The following ANKRD44 variants were observed in gnomAD, a reference collection of about 807,000 sequenced individuals.
ANKRD44 encodes the protein ankyrin repeat domain 44, also known as serine/threonine-protein phosphatase 6 regulatory ankyrin repeat subunit B.
A neutral mutation model predicts 116.0 loss-of-function variants in ANKRD44; 35 were observed. That is an observed-to-expected ratio of 0.30 (90% CI 0.23 to 0.40). The LOEUF (loss-of-function observed/expected upper bound fraction) is 0.40, where lower values mean the gene tolerates loss of function less well. ANKRD44 is among the 10% of genes least tolerant of loss of function. The pLI is 1.00. For synonymous variants in ANKRD44, 435 were observed against 461.8 expected, an observed-to-expected ratio of 0.94 and a Z score of 0.74; for missense variants, 1,014 against 1,242.6, an observed-to-expected ratio of 0.82 and a Z score of 2.77.
At chr2:197,273,980 AATATATATATATATATATATAT>A (rs1164251927) in intron 1 of ANKRD44, among the ~76,000 whole-genome samples, 2 of 43,944 alleles carry the variant, frequency 4.6e-5, no homozygotes, top group Non-Finnish European at 7.9e-5. Flanking sequence ...AAAAAAAAAA[AATATATATATATATATATATAT>A]ATATATATAT....
chr2:197,097,821 C>G (rs79409481), intron 10 of ANKRD44, among the ~76,000 whole-genome samples: 1 of 152,232 alleles, frequency 6.6e-6, no homozygotes, highest in Non-Finnish European at 1.5e-5. Flanking sequence ...AATTCTTTAA[C>G]AGCTTCCGAA....
At chr2:197,165,060 T>C (rs1156582300) in intron 2 of ANKRD44, among the ~76,000 whole-genome samples, 4 of 152,314 alleles carry the variant, frequency 2.6e-5, no homozygotes, top group African/African-American at 9.6e-5. Flanking sequence ...TGGAATGAAA[T>C]GATGCTTAGA....
chr2:197,099,794 C>T (rs888343739), intron 10 of ANKRD44, 22 bp downstream of exon 10: 2 of 1,613,170 alleles, frequency 1.2e-6, no homozygotes, highest in Non-Finnish European at 1.7e-6. Context: ...AATTATTCCA[C>T]CGTATTTTTG....
chr2:197,304,505 C>T (rs2084011039), intron 1 of ANKRD44, among the ~76,000 whole-genome samples: 1 of 152,100 alleles, frequency 6.6e-6, no homozygotes, highest in African/African-American at 2.4e-5. Context: ...CCTTCATAGG[C>T]ACATTTGTAA....
At chr2:197,115,406 A>G (rs936427938) in intron 8 of ANKRD44, among the ~76,000 whole-genome samples, 2 of 152,256 alleles carry the variant, frequency 1.3e-5, no homozygotes, top group African/African-American at 4.8e-5. Flanking sequence ...TAAACCATCA[A>G]TTGATTATTG....
At chr2:197,160,687 G>A (rs2079939439) in intron 2 of ANKRD44, among the ~76,000 whole-genome samples, 1 of 152,126 alleles carries the variant, frequency 6.6e-6, no homozygotes, top group African/African-American at 2.4e-5. Flanking sequence ...CTCACTCCCT[G>A]CTCAGAATAT....
At chr2:197,180,976 T>G (rs571236160) in intron 2 of ANKRD44, among the ~76,000 whole-genome samples, 3 of 152,140 alleles carry the variant, frequency 2.0e-5, no homozygotes, top group Non-Finnish European at 4.4e-5. Context: ...TTTTCTCACT[T>G]GGCTCTTGAG....
intron 1 of ANKRD44, among the ~76,000 whole-genome samples, chr2:197,279,890 G>T (rs1193961921): frequency 6.6e-6 from 1 of 152,178 alleles, no homozygotes; most frequent in African/African-American, 2.4e-5. Context: ...TGGGTACAGT[G>T]TCTTGTCCTG....
In ANKRD44 at chr2:197,016,623, G is replaced by C. The variant is rs575105774; in HGVS notation, c.1723-2911C>G. On this transcript the variant is annotated intron_variant, in intron 17 of 27. Coordinates refer to ENST00000282272, the MANE Select transcript of ANKRD44 (RefSeq NM_001195144.2). Reference sequence around the variant, plus strand: ...CTGAATGGGCACTGACAAGTGGAGAGAATGGATATCTGTATGTTTGCAATG... The same window carrying C: ...CTGAATGGGCACTGACAAGTGGAGACAATGGATATCTGTATGTTTGCAATG... Among the ~76,000 whole-genome samples, 4 of 152,316 alleles carry C rather than the reference G, an allele frequency of 2.6e-5. 1 individual carries two copies. In the South Asian group the frequency reaches 8.3e-4, roughly 32 times the overall value.
At chr2:197,208,755 GTA>G (rs1354635961) in intron 1 of ANKRD44, among the ~76,000 whole-genome samples, 1 of 152,044 alleles carries the variant, frequency 6.6e-6, no homozygotes, top group African/African-American at 2.4e-5. Flanking sequence ...AGCCGAGATT[GTA>G]CCACTGCACT....
At chr2:197,192,172 T>C (rs1484913267) in intron 1 of ANKRD44, among the ~76,000 whole-genome samples, 2 of 152,196 alleles carry the variant, frequency 1.3e-5, no homozygotes, top group East Asian at 1.9e-4. Context: ...CACTTTCCCT[T>C]TGCCAGAGTT....
At chr2:197,163,657 G>A (rs2080025009) in intron 2 of ANKRD44, among the ~76,000 whole-genome samples, 1 of 152,086 alleles carries the variant, frequency 6.6e-6, no homozygotes, top group South Asian at 2.1e-4. Context: ...TGGGAGGGAG[G>A]ACTGGGGAGC....
intron 9 of ANKRD44, among the ~76,000 whole-genome samples, chr2:197,103,435 G>A (rs373766931): frequency 6.6e-6 from 1 of 152,090 alleles, no homozygotes. Context: ...CTAAATAAAT[G>A]TTCCCTGAAT....
At chr2:197,141,144 G>A (rs1420960861) in intron 3 of ANKRD44, among the ~76,000 whole-genome samples, 2 of 152,304 alleles carry the variant, frequency 1.3e-5, no homozygotes, top group East Asian at 1.9e-4. Context: ...TTGAACCTGG[G>A]AGGTGGAGGT....
At chr2:197,112,592 T>TA in intron 8 of ANKRD44, among the ~76,000 whole-genome samples, 1 of 151,452 alleles carries the variant, frequency 6.6e-6, no homozygotes, top group Non-Finnish European at 1.5e-5. Flanking sequence ...CCTGTAGTCC[T>TA]AGCTGCTTGG....
chr2:196,995,093 A>C (rs1045134915), intron 26 of ANKRD44: 4 of 220,182 alleles, frequency 1.8e-5, no homozygotes. Flanking sequence ...AATTTTTCTA[A>C]CAGCCCACTA....
chr2:197,118,647 G>GAAAGAAAGAAAA (rs761128651), intron 8 of ANKRD44, among the ~76,000 whole-genome samples: 12,823 of 149,128 alleles, frequency 0.086, 636 homozygotes, highest in South Asian at 0.12. Flanking sequence ...GAGAAAGAAA[G>GAAAGAAAGAAAA]AAAGAAAGAA....
intron 2 of ANKRD44, among the ~76,000 whole-genome samples, chr2:197,184,216 C>T (rs900224213): frequency 4.6e-5 from 7 of 152,182 alleles, no homozygotes; most frequent in African/African-American, 7.2e-5. Flanking sequence ...AAATCCATGC[C>T]GTCTCTTTGG....
chr2:197,126,051 A>G lies in ANKRD44; in HGVS notation c.262-14T>C. The stretch of plus-strand genomic sequence containing the variant: ...CTGTACTGCTTCCTACAACAAAAGC[A>G]GAGTTTGCAGAGGTCACTGACAGAC... On this transcript the variant is annotated splice_polypyrimidine_tract_variant and intron_variant, in intron 4 of 27. Transcript: ENST00000282272. 1 of 1,614,008 alleles carries G rather than the reference A, an allele frequency of 6.2e-7. No homozygotes were observed. The highest frequency in any genetic ancestry group is 8.5e-7 in the Non-Finnish European group (1 of 1,179,888).
Sources: gnomAD v4.1 joint callset for allele counts (sites outside exome capture counted in the v4.1 genomes callset) on GRCh38, gnomAD v4.1.1 for gene constraint, MANE v1.5 for transcripts, NCBI Gene and HGNC (gene_info 2026-07-23, HGNC 2026-07-21) for gene names.